The following PCP4 variants were observed in gnomAD, a reference collection of about 807,000 sequenced individuals.
PCP4 encodes calmodulin regulator protein PCP4.
In PCP4, 8 loss-of-function variants were observed where a neutral mutation model predicts 10.0. That is an observed-to-expected ratio of 0.80 (90% confidence interval 0.47 to 1.45). The LOEUF (loss-of-function observed/expected upper bound fraction) is 1.45. Among genes scored for constraint, PCP4 ranks in the 40% most tolerant of loss-of-function variants. The pLI, the probability that PCP4 is intolerant of heterozygous loss-of-function variation, is 0.00. For missense variants in PCP4, 54 were observed against 74.4 expected (o/e 0.73, Z 1.01); for synonymous variants, 21 against 23.0 (o/e 0.91, Z 0.24).
chr21:39,903,880 A>C lies in PCP4; in HGVS notation c.61+5353A>C, dbSNP rs540606787. The stretch of plus-strand genomic sequence containing the variant: ...GGGACTCCGTCTCAAAAAAAACAAA[A>C]AAAAAAAAAAAAAAAAGACTTAGTT... On this transcript the variant is annotated intron_variant, in intron 2 of 2. Transcript: ENST00000328619. 2.7e-3 allele frequency among the ~76,000 whole-genome samples: 390 copies of C among 143,278 alleles called. 1 individual carries two copies. The highest frequency in any genetic ancestry group is 9.6e-3 in the African/African-American group (370 of 38,438). 94.0% of individuals were successfully genotyped at this position (143,278 alleles called of 152,430 possible).
chr21:39,879,855 A>C (rs889483921), intron 1 of PCP4, among the ~76,000 whole-genome samples: 2 of 152,154 alleles, frequency 1.3e-5, no homozygotes, highest in African/African-American at 4.8e-5. Context: ...CCCCAATGAA[A>C]AATCAATACG....
intron 2 of PCP4, among the ~76,000 whole-genome samples, chr21:39,907,212 G>A (rs2087515935): frequency 6.6e-6 from 1 of 150,822 alleles, no homozygotes; most frequent in African/African-American, 2.4e-5. Flanking sequence ...CAAGCTAGAT[G>A]TGTTCTCCCC....
At chr21:39,882,192 C>T (rs959611538) in intron 1 of PCP4, among the ~76,000 whole-genome samples, 3 of 152,188 alleles carry the variant, frequency 2.0e-5, no homozygotes, top group Admixed American at 6.5e-5. Flanking sequence ...CTTGAATAAC[C>T]GCAGGTTTGG....
At chr21:39,880,433 G>A (rs1463229770) in intron 1 of PCP4, among the ~76,000 whole-genome samples, 5 of 152,172 alleles carry the variant, frequency 3.3e-5, no homozygotes, top group African/African-American at 1.2e-4. Flanking sequence ...GCATATGTAT[G>A]TGCATGTACA....
chr21:39,880,112 ATATC>A (rs1208811015), intron 1 of PCP4, among the ~76,000 whole-genome samples: 3 of 147,046 alleles, frequency 2.0e-5, no homozygotes, highest in South Asian at 2.1e-4. Flanking sequence ...ATATCTATCT[ATATC>A]TATATCTATA....
intron 1 of PCP4, among the ~76,000 whole-genome samples, chr21:39,868,863 G>A (rs1405928442): frequency 1.3e-5 from 2 of 152,172 alleles, no homozygotes; most frequent in Admixed American, 6.5e-5. Context: ...GGAATTTGCT[G>A]AACAGAGGGG....
chr21:39,867,654 A>G, intron 1 of PCP4, 144 bp downstream of exon 1: 1 of 866,748 alleles, frequency 1.2e-6, no homozygotes, highest in Non-Finnish European at 2.0e-6. Context: ...AACTGACAGG[A>G]TTAATCTCTT....
At chr21:39,925,337 C>T (rs948652729) in intron 2 of PCP4, among the ~76,000 whole-genome samples, 2 of 152,164 alleles carry the variant, frequency 1.3e-5, no homozygotes, top group Non-Finnish European at 1.5e-5. Flanking sequence ...AGGAGGGTAC[C>T]GTGCTTGTTT....
intron 2 of PCP4, among the ~76,000 whole-genome samples, chr21:39,905,988 T>G (rs2087506513): frequency 6.6e-6 from 1 of 152,180 alleles, no homozygotes; most frequent in African/African-American, 2.4e-5. Context: ...AGGCAGAGCT[T>G]GCAGTGAGCC....
Position 39,913,127 on chromosome 21 carries a change from A to T in PCP4, c.61+14600A>T, listed in dbSNP as rs1011861029. Among the ~76,000 whole-genome samples, 18 of 152,348 alleles carry T rather than the reference A, an allele frequency of 1.2e-4. No individual in the cohort carries two copies. The East Asian group carries it at 2.9e-3, about 24-fold the overall frequency. On this transcript the variant is annotated intron_variant, in intron 2 of 2. Coordinates refer to ENST00000328619, the MANE Select transcript of PCP4 (RefSeq NM_006198.3). ...TTAATTTTAGTATCTTTTTATAAAT[A>T]TAAGAACTCATCTTCCTGATAAGTA... is the stretch of plus-strand genomic sequence containing the variant.
At position 39,867,458 on chromosome 21, in the gene PCP4, C is replaced by A; in HGVS notation, c.-44C>A. ...GGAGCAGCGACCCCTGAGCAGTGTT[C>A]TCTGTGCTGAGCGGCGGGACTGAGC... is the stretch of plus-strand genomic sequence containing the variant. On this transcript the variant is annotated 5_prime_UTR_variant, in exon 1 of 3. Coordinates refer to ENST00000328619, the MANE Select transcript of PCP4 (RefSeq NM_006198.3). 1 of 1,613,220 alleles carries A rather than the reference C, an allele frequency of 6.2e-7. No individual in the cohort carries two copies. Among genetic ancestry groups the A allele is most frequent in the African/African-American group, 1.3e-5 (1 of 75,040 alleles).
intron 1 of PCP4, among the ~76,000 whole-genome samples, chr21:39,880,969 C>T (rs2087372730): frequency 6.6e-6 from 1 of 151,938 alleles, no homozygotes; most frequent in African/African-American, 2.4e-5. Flanking sequence ...GGAGGCACAG[C>T]TGTTAGATGA....
At chr21:39,920,565 G>A (rs1025601931) in intron 2 of PCP4, among the ~76,000 whole-genome samples, 2 of 152,114 alleles carry the variant, frequency 1.3e-5, no homozygotes. Flanking sequence ...GATGACGTGA[G>A]CAATGACCTT....
intron 1 of PCP4, among the ~76,000 whole-genome samples, chr21:39,898,045 C>CAAAAAAAAA (rs780273912): frequency 2.7e-5 from 2 of 74,052 alleles, no homozygotes; most frequent in African/African-American, 9.8e-5. Context: ...GACTCAGTCT[C>CAAAAAAAAA]AAAAAAAAAA....
intron 2 of PCP4, among the ~76,000 whole-genome samples, chr21:39,910,653 T>C (rs1601185367): frequency 6.6e-6 from 1 of 152,202 alleles, no homozygotes; most frequent in Non-Finnish European, 1.5e-5. Flanking sequence ...CAGAATAAGA[T>C]AGAGCAATGT....
chr21:39,883,244 G>A lies in PCP4; in HGVS notation c.10-15232G>A, dbSNP rs540678171. Reference sequence around the variant, plus strand: ...AAGGGTGGCTTGGTGGGGTTGGGGGGTGCAGGTGAATTTGGCTGTAGCTGG... The same window carrying A: ...AAGGGTGGCTTGGTGGGGTTGGGGGATGCAGGTGAATTTGGCTGTAGCTGG... On this transcript the variant is annotated intron_variant, in intron 1 of 2. Coordinates refer to ENST00000328619, the MANE Select transcript of PCP4 (RefSeq NM_006198.3). Among the ~76,000 whole-genome samples the A allele has an allele frequency of 2.6e-5, 4 of 152,278 alleles. No individual in the cohort carries two copies. The South Asian group carries it at 6.2e-4, about 24-fold the overall frequency.
In PCP4 at chr21:39,870,813, C is replaced by T. The variant is rs189036096; in HGVS notation, c.9+3303C>T. Among the ~76,000 whole-genome samples, 1,301 of 152,314 alleles carry T rather than the reference C, an allele frequency of 8.5e-3. 9 individuals are homozygous for T. Among genetic ancestry groups the T allele is most frequent in the Middle Eastern group, 0.017 (5 of 292 alleles). ...GAGACCCCTTTGGGAAAAGCCTCTT[C>T]GTAACCCCGAGTTTCACGGTCATGG... On this transcript the variant is annotated intron_variant, in intron 1 of 2. Transcript: ENST00000328619.
chr21:39,910,540 C>G lies in PCP4; in HGVS notation c.61+12013C>G, dbSNP rs140596178. Reference sequence around the variant, plus strand: ...GCCAGGCCATGAGAAATGGTCCATGCAGATGCTGGGTTGTAGATTATAATG... The same window carrying G: ...GCCAGGCCATGAGAAATGGTCCATGGAGATGCTGGGTTGTAGATTATAATG... On this transcript the variant is annotated intron_variant, in intron 2 of 2. Transcript: ENST00000328619. Among the ~76,000 whole-genome samples, 216 of 152,198 alleles carry G rather than the reference C, an allele frequency of 1.4e-3. 1 individual carries two copies. Among genetic ancestry groups the G allele is most frequent in the Middle Eastern group, 6.8e-3 (2 of 294 alleles).
At chr21:39,907,796 CA>C (rs35436694) in intron 2 of PCP4, among the ~76,000 whole-genome samples, 30,694 of 145,354 alleles carry the variant, frequency 0.21, 3,801 homozygotes, top group East Asian at 0.55. Flanking sequence ...GACTCTGTCT[CA>C]AAAAAAAAAA....
Sources: allele counts gnomAD v4.1 joint callset (sites outside exome capture counted in the v4.1 genomes callset), GRCh38; gene constraint gnomAD v4.1.1; transcripts MANE v1.5; gene names NCBI Gene and HGNC (gene_info 2026-07-23, HGNC 2026-07-21).